Variants in ZNF512 observed in about 807,000 individuals in gnomAD.
The protein encoded by ZNF512 is zinc finger protein 512.
In ZNF512, 25 loss-of-function variants were observed where a neutral mutation model predicts 77.5. The ratio of observed to expected loss-of-function variants is 0.32; its 90% confidence interval spans 0.23 to 0.45. The LOEUF is 0.45. Among genes scored for constraint, ZNF512 ranks in the 20% least tolerant of loss-of-function variants. The probability of loss-of-function intolerance (pLI) is 1.00; values close to 1 mark genes in which losing one functional copy is unlikely to be tolerated. For missense variants in ZNF512, 483 were observed against 692.6 expected, an observed-to-expected ratio of 0.70 and a Z score of 3.40; for synonymous variants, 246 against 239.9, an observed-to-expected ratio of 1.03 and a Z score of -0.24.
At chr2:27,617,624 A>C in intron 13 of ZNF512, 53 bp downstream of exon 13, 1 of 789,428 alleles carries the variant, frequency 1.3e-6, no homozygotes, top group Non-Finnish European at 2.3e-6. Context: ...AGAGAGGTAG[A>C]CTTTGTCCCT....
chr2:27,586,235 G>GTTGTTGTTGTTT (rs1253404908), intron 2 of ZNF512, among the ~76,000 whole-genome samples: 2 of 151,818 alleles, frequency 1.3e-5, no homozygotes, highest in African/African-American at 4.8e-5. Context: ...TGTTGTTGTT[G>GTTGTTGTTGTTT]TTGTTGTTGT....
At chr2:27,611,834 A>C (rs1293246314) in intron 10 of ZNF512, among the ~76,000 whole-genome samples, 1 of 151,634 alleles carries the variant, frequency 6.6e-6, no homozygotes, top group Non-Finnish European at 1.5e-5. Context: ...AGTAGCTGGG[A>C]CTACAGGTGT....
chr2:27,610,565 TATA>T (rs200982718), intron 10 of ZNF512, among the ~76,000 whole-genome samples: 20 of 34,372 alleles, frequency 5.8e-4, no homozygotes, highest in Non-Finnish European at 1.0e-3. Flanking sequence ...TATATATATA[TATA>T]TTTTTTTTTT....
At position 27,621,293 on chromosome 2, in the gene ZNF512, T is replaced by C; in HGVS notation, c.1536T>C (p.Ile512=). 6.2e-7 allele frequency: 1 copy of C among 1,614,116 alleles called. No homozygotes were observed. The highest frequency in any genetic ancestry group is 2.2e-5 in the East Asian group (1 of 44,878). The stretch of plus-strand genomic sequence containing the variant: ...TAAGAAGGCGGCAGCAGCCTGGCAT[T>C]GAGCTTCCCGAGACAGAGCTGAGTC... The part of the protein sequence containing the change: ...RSLRRRQQPG[I]ELPETELSLR... Residue 512 remains isoleucine (I), a synonymous_variant, in exon 14 of 14, where the codon ATT becomes ATC. Coordinates refer to ENST00000355467, the MANE Select transcript of ZNF512 (RefSeq NM_032434.4).
At chr2:27,588,863 C>T (rs1041847529) in intron 2 of ZNF512, among the ~76,000 whole-genome samples, 1 of 151,976 alleles carries the variant, frequency 6.6e-6, no homozygotes, top group African/African-American at 2.4e-5. Flanking sequence ...CTATATTTTC[C>T]CCTTTAAGTC....
At chr2:27,605,761 C>G (rs1167575201) in intron 9 of ZNF512, among the ~76,000 whole-genome samples, 1 of 152,140 alleles carries the variant, frequency 6.6e-6, no homozygotes, top group Non-Finnish European at 1.5e-5. Context: ...CAGGCATGAG[C>G]CACTGCACCT....
intron 10 of ZNF512, among the ~76,000 whole-genome samples, chr2:27,610,371 A>T (rs1247797560): frequency 4.1e-5 from 6 of 147,950 alleles, no homozygotes; most frequent in African/African-American, 7.4e-5. Context: ...ATCAAAAAAA[A>T]AAAAAATAAA....
At chr2:27,584,027 G>C (rs959648298) in intron 2 of ZNF512, among the ~76,000 whole-genome samples, 3 of 152,196 alleles carry the variant, frequency 2.0e-5, no homozygotes, top group African/African-American at 7.2e-5. Flanking sequence ...AGCCCCGTAC[G>C]CCTTTTGAGC....
chr2:27,607,901 G>A lies in ZNF512; in HGVS notation c.993G>A (p.Glu331=). ...AGTGCTTAAAGGAGATGAACCTAGA[G>A]TCAAAGAGTGGGGGCCGAGTTCAGA... The part of the protein sequence containing the change: ...QPECLKEMNL[E]SKSGGRVQRR... The change falls in exon 10 of 14, where the codon GAG becomes GAA. Residue 331 remains glutamate, a synonymous_variant. Transcript: ENST00000355467. The A allele has an allele frequency of 6.2e-7, 1 of 1,614,176 alleles. No individual in the cohort carries two copies. The highest frequency in any genetic ancestry group is 1.1e-5 in the South Asian group (1 of 91,090).
At chr2:27,607,125 A>G (rs1672402293) in intron 9 of ZNF512, among the ~76,000 whole-genome samples, 1 of 152,072 alleles carries the variant, frequency 6.6e-6, no homozygotes, top group Admixed American at 6.6e-5. Flanking sequence ...CCTTCACATC[A>G]ATACACTTAG....
chr2:27,617,490 A>C lies in ZNF512; in HGVS notation c.1314A>C (p.Gly438=), dbSNP rs760292609. The change falls in exon 13 of 14, where the codon GGA becomes GGC. Residue 438 remains glycine (G), a synonymous_variant. Transcript: ENST00000355467. ...GSCTLGNFVA[G]KYKCLLCQKE... ...GGAAATAGGGAAACTTTGTGGCTGG[A>C]AAATACAAATGTCTTCTATGTCAGA... 1 of 1,463,280 alleles carries C rather than the reference A, an allele frequency of 6.8e-7. No individual in the cohort carries two copies. The highest frequency in any genetic ancestry group is 9.6e-7 in the Non-Finnish European group (1 of 1,042,448). 90.6% of individuals were successfully genotyped at this position (1,463,280 alleles called of 1,614,324 possible).
intron 13 of ZNF512, among the ~76,000 whole-genome samples, chr2:27,620,831 TCTC>T (rs1311020392): frequency 2.0e-5 from 3 of 152,048 alleles, no homozygotes; most frequent in Admixed American, 6.6e-5. Context: ...GGAATAAAAA[TCTC>T]CTATGGCTCA....
intron 10 of ZNF512, among the ~76,000 whole-genome samples, chr2:27,611,732 C>T (rs1672674238): frequency 6.7e-6 from 1 of 148,702 alleles, no homozygotes; most frequent in African/African-American, 2.5e-5. Context: ...GAGTCTCACT[C>T]TGTCACCCAG....
chr2:27,593,782 C>CTT (rs768572545), intron 2 of ZNF512, among the ~76,000 whole-genome samples: 7 of 134,516 alleles, frequency 5.2e-5, no homozygotes, highest in African/African-American at 1.9e-4. Flanking sequence ...TTCTTTCTTT[C>CTT]TTTTTTTTTT....
In ZNF512 at chr2:27,617,534, G is replaced by A; in HGVS notation, c.1358G>A (p.Ser453Asn). ...LLCQKEFVSE[S>N]GVKYHINSVH... ...TGTCAGAAAGAATTTGTGTCAGAGA[G>A]TGGTGTCAAGTATCACATCAACTCC... Residue 453 changes from serine to asparagine, a missense_variant, in exon 13 of 14, where the codon AGT (serine) becomes AAT (asparagine). Physicochemically the swap from Ser to Asn is conservative, Grantham distance 46 (BLOSUM62 1). This residue lies in a region of ZNF512 where 324 missense variants were observed against 525.0 expected (regional missense o/e 0.62). Transcript: ENST00000355467. 6.8e-7 allele frequency: 1 copy of A among 1,475,162 alleles called. No individual in the cohort carries two copies. Among genetic ancestry groups the A allele is most frequent in the Middle Eastern group, 1.7e-4 (1 of 5,796 alleles). 91.4% of individuals were successfully genotyped at this position (1,475,162 alleles called of 1,614,324 possible).
intron 1 of ZNF512, chr2:27,583,402 C>G: frequency 7.0e-7 from 1 of 1,431,766 alleles, no homozygotes; most frequent in South Asian, 1.5e-5. Context: ...TATCCGTTGT[C>G]TTTTCTTTTG....
At chr2:27,617,664 G>T in intron 13 of ZNF512, 93 bp downstream of exon 13, 1 of 694,012 alleles carries the variant, frequency 1.4e-6, no homozygotes, top group African/African-American at 1.8e-5. Flanking sequence ...GTCAAGGAAA[G>T]TATCTCTAAA....
chr2:27,590,646 T>C lies in ZNF512; in HGVS notation c.89+6930T>C, dbSNP rs930649114. ...TCCTGTGTTTCTTCTTTTGGATTAT[T>C]TGAATGCTTAGTGTCTGCCCCTACT... On this transcript the variant is annotated intron_variant, in intron 2 of 13. Transcript: ENST00000355467. Among the ~76,000 whole-genome samples the C allele has an allele frequency of 3.0e-4, 45 of 152,202 alleles. 1 individual carries two copies. Among genetic ancestry groups the C allele is most frequent in the African/African-American group, 1.1e-3 (45 of 41,440 alleles).
intron 10 of ZNF512, among the ~76,000 whole-genome samples, chr2:27,611,255 A>G (rs1452105071): frequency 2.0e-5 from 3 of 152,174 alleles, no homozygotes; most frequent in Non-Finnish European, 4.4e-5. Flanking sequence ...ATTTTATTTC[A>G]TTTCTGTGGC....
Sources: gnomAD v4.1 joint callset for allele counts (sites outside exome capture counted in the v4.1 genomes callset) on GRCh38, gnomAD v4.1.1 for gene constraint, gnomAD v4.1.1 regional missense constraint, MANE v1.5 for transcripts, NCBI Gene and HGNC (gene_info 2026-07-23, HGNC 2026-07-21) for gene names.